Variants in CSMD1 observed in about 807,000 individuals in gnomAD.
The protein encoded by CSMD1 is CUB and sushi domain-containing protein 1.
In CSMD1, 213 loss-of-function variants were observed where a neutral mutation model predicts 417.5. That is an observed-to-expected ratio of 0.51 (90% CI 0.46 to 0.57). The LOEUF (loss-of-function observed/expected upper bound fraction) is 0.57, where lower values mean the gene tolerates loss of function less well. Among genes scored for constraint, CSMD1 ranks in the 20% least tolerant of loss-of-function variants. CSMD1 has a pLI of 0.00. For synonymous variants in CSMD1, 2,862 were observed against 1,736.8 expected (o/e 1.65, Z -16.11); for missense variants, 6,923 against 4,529.7 (o/e 1.53, Z -15.17).
intron 5 of CSMD1, among the ~76,000 whole-genome samples, chr8:3,768,422 G>A (rs919823012): frequency 4.6e-5 from 7 of 152,094 alleles, no homozygotes; most frequent in African/African-American, 1.7e-4. Context: ...GTTTATAAAT[G>A]TTTTAAATTG....
chr8:3,999,509 G>C (rs1440031593), intron 4 of CSMD1, among the ~76,000 whole-genome samples: 1 of 152,152 alleles, frequency 6.6e-6, no homozygotes, highest in East Asian at 1.9e-4. Context: ...AACCAATCTT[G>C]TCGGCAACAG....
intron 3 of CSMD1, among the ~76,000 whole-genome samples, chr8:4,218,960 G>T (rs775366475): frequency 5.9e-5 from 9 of 151,970 alleles, no homozygotes; most frequent in African/African-American, 9.7e-5. Context: ...TTTTTCCAAC[G>T]TATGTCTAAT....
At chr8:3,922,477 T>C (rs1166194515) in intron 5 of CSMD1, among the ~76,000 whole-genome samples, 1 of 152,250 alleles carries the variant, frequency 6.6e-6, no homozygotes, top group African/African-American at 2.4e-5. Context: ...CACATTTTCT[T>C]TCATAATTTG....
At chr8:3,688,218 T>C (rs891895145) in intron 7 of CSMD1, among the ~76,000 whole-genome samples, 2 of 152,230 alleles carry the variant, frequency 1.3e-5, no homozygotes, top group Non-Finnish European at 2.9e-5. Context: ...CATGCGTAAG[T>C]GGGCAAAGAT....
At chr8:3,366,985 G>T (rs1340920451) in intron 20 of CSMD1, 47 bp downstream of exon 20, 4 of 1,372,894 alleles carry the variant, frequency 2.9e-6, no homozygotes, top group Non-Finnish European at 4.1e-6. Flanking sequence ...AACAGAAATG[G>T]CAGTATTGTT....
At chr8:3,275,698 C>T (rs74611840) in intron 26 of CSMD1, among the ~76,000 whole-genome samples, 41,786 of 151,972 alleles carry the variant, frequency 0.27, 5,961 homozygotes, top group African/African-American at 0.34. Flanking sequence ...ATCACTGATA[C>T]CATTTCTTCC....
chr8:3,255,955 C>T (rs976817085), intron 26 of CSMD1, among the ~76,000 whole-genome samples: 24 of 152,162 alleles, frequency 1.6e-4, no homozygotes, highest in East Asian at 5.8e-4. Flanking sequence ...TCTTCTGCAT[C>T]GTTCATGCTG....
At chr8:4,230,987 A>G (rs1161797752) in intron 3 of CSMD1, among the ~76,000 whole-genome samples, 1 of 152,174 alleles carries the variant, frequency 6.6e-6, no homozygotes, top group Non-Finnish European at 1.5e-5. Flanking sequence ...CATCAGTACT[A>G]GTATTTTGTT....
At chr8:2,942,936 T>C (rs2128914005) in intron 68 of CSMD1, among the ~76,000 whole-genome samples, 2 of 152,350 alleles carry the variant, frequency 1.3e-5, no homozygotes, top group South Asian at 4.1e-4. Flanking sequence ...TTATGTATTT[T>C]TTCTATATTC....
chr8:4,087,644 T>G (rs1800489124), intron 3 of CSMD1, among the ~76,000 whole-genome samples: 1 of 152,132 alleles, frequency 6.6e-6, no homozygotes, highest in Non-Finnish European at 1.5e-5. Context: ...ACTCTCACAT[T>G]CTTACTCTTT....
intron 23 of CSMD1, among the ~76,000 whole-genome samples, chr8:3,333,173 A>C (rs1351342719): frequency 2.0e-5 from 3 of 151,906 alleles, no homozygotes; most frequent in Non-Finnish European, 4.4e-5. Flanking sequence ...GGCCCCTGAC[A>C]CTCAGATGAG....
intron 8 of CSMD1, among the ~76,000 whole-genome samples, chr8:3,608,168 C>A: frequency 2.5e-5 from 3 of 121,356 alleles, no homozygotes; most frequent in Admixed American, 9.3e-5. Flanking sequence ...AGCAAGAAGC[C>A]ATCTCAAAAA....
chr8:3,552,261 G>A lies in CSMD1; in HGVS notation c.1344+22684C>T, dbSNP rs142758936. Among the ~76,000 whole-genome samples, 7 of 152,192 alleles carry A rather than the reference G, an allele frequency of 4.6e-5. No homozygotes were observed. In the East Asian group the frequency reaches 7.7e-4, roughly 17 times the overall value. On this transcript the variant is annotated intron_variant, in intron 10 of 69. Coordinates refer to ENST00000635120, the MANE Select transcript of CSMD1 (RefSeq NM_033225.6). ...AATTACAAAAAAGTGTATCGACACA[G>A]AAAGCTTGAATACTAATCTAAATAT...
chr8:3,102,865 A>T (rs148628900), intron 46 of CSMD1, among the ~76,000 whole-genome samples: 1 of 152,206 alleles, frequency 6.6e-6, no homozygotes, highest in Non-Finnish European at 1.5e-5. Context: ...GAAGCATGAC[A>T]AGATAACAAA....
intron 1 of CSMD1, among the ~76,000 whole-genome samples, chr8:4,834,760 T>A (rs369315718): frequency 1.3e-5 from 2 of 151,054 alleles, no homozygotes; most frequent in African/African-American, 4.9e-5. Context: ...ATCGAGACCA[T>A]CCTGGCTAAC....
chr8:4,191,422 A>C (rs779360551), intron 3 of CSMD1, among the ~76,000 whole-genome samples: 1 of 152,026 alleles, frequency 6.6e-6, no homozygotes, highest in Non-Finnish European at 1.5e-5. Context: ...AAAACAAAAC[A>C]AAACAAAAAA....
intron 33 of CSMD1, 143 bp downstream of exon 33, chr8:3,199,571 T>C: frequency 2.7e-6 from 1 of 376,692 alleles, no homozygotes; most frequent in Non-Finnish European, 4.7e-6. Flanking sequence ...ATAATTTTAT[T>C]ATAAACATAT....
intron 3 of CSMD1, among the ~76,000 whole-genome samples, chr8:4,153,073 A>C (rs6988775): frequency 1.3e-5 from 2 of 151,978 alleles, no homozygotes; most frequent in East Asian, 3.9e-4. Context: ...TGAAGGGGGT[A>C]TGATTCTTTT....
intron 5 of CSMD1, among the ~76,000 whole-genome samples, chr8:3,969,114 G>C (rs984396626): frequency 2.6e-5 from 4 of 152,136 alleles, no homozygotes; most frequent in African/African-American, 2.4e-5. Context: ...AGCCAGGCTT[G>C]GTGGCATATG....
Sources: gnomAD v4.1 joint callset for allele counts (sites outside exome capture counted in the v4.1 genomes callset) on GRCh38, gnomAD v4.1.1 for gene constraint, MANE v1.5 for transcripts, NCBI Gene and HGNC (gene_info 2026-07-23, HGNC 2026-07-21) for gene names.